RP1L1: variants seen among roughly 807,000 people sequenced by gnomAD.
The protein encoded by RP1L1 is retinitis pigmentosa 1-like 1 protein.
RP1L1 carries 27 observed loss-of-function variants against 15.7 expected under a neutral mutation model. That is an observed-to-expected ratio of 1.72 (90% CI 1.27 to 2.38). RP1L1 has a LOEUF of 2.38. Ranked by LOEUF, RP1L1 falls within the 30% of genes most tolerant of loss-of-function variation. The pLI is 0.00. For synonymous variants in RP1L1, 1,813 were observed against 1,276.7 expected (o/e 1.42, Z -8.96); for missense variants, 4,798 against 3,075.9 (o/e 1.56, Z -13.24).
Position 10,607,378 on chromosome 8 carries a change from C to T in RP1L1, c.6720G>A (p.Glu2240=), listed in dbSNP as rs769695124. 1 of 1,607,834 alleles carries T rather than the reference C, an allele frequency of 6.2e-7. No homozygotes were observed. The highest frequency in any genetic ancestry group is 8.5e-7 in the Non-Finnish European group (1 of 1,176,170). ...TPEAEGEAQP[E]SEGETQGEKK... is the part of the protein sequence containing the mutation. ...TCTCACCTTGAGTTTCTCCTTCTGA[C>T]TCTGGCTGGGCCTCCCCTTCAGCCT... Residue 2240 remains glutamate, a synonymous_variant, in exon 4 of 4, where the codon GAG becomes GAA. Transcript: ENST00000382483.
intron 1 of RP1L1, among the ~76,000 whole-genome samples, chr8:10,645,163 C>CA (rs1039028616): frequency 6.6e-6 from 1 of 151,956 alleles, no homozygotes; most frequent in Non-Finnish European, 1.5e-5. Context: ...CCCATCTCTA[C>CA]AAAAAATAAA....
At position 10,608,894 on chromosome 8, in the gene RP1L1, C is replaced by T; in HGVS notation, c.5204G>A (p.Ser1735Asn). Residue 1735 changes from serine (S) to asparagine (N), a missense_variant, in exon 4 of 4, where the codon AGC (serine) becomes AAC (asparagine). Physicochemically the swap from Ser to Asn is conservative, Grantham distance 46. Coordinates refer to ENST00000382483, the MANE Select transcript of RP1L1 (RefSeq NM_178857.6). ...ACCCTCGTCCACTCCAGGCCCCTGG[C>T]TCAGCCCCGGCCCCAGCCCTCCCTC... is the stretch of plus-strand genomic sequence containing the variant. ...GAEGGLGPGL[S>N]QGPGVDEGED... The T allele has an allele frequency of 3.7e-6, 6 of 1,614,060 alleles. No individual in the cohort carries two copies. The highest frequency in any genetic ancestry group is 5.1e-6 in the Non-Finnish European group (6 of 1,180,038).
Position 10,606,899 on chromosome 8 carries a change from A to G in RP1L1, c.7199T>C (p.Phe2400Ser), listed in dbSNP as rs1797711878. Residue 2400 changes from phenylalanine to serine, a missense_variant, in exon 4 of 4, where the codon TTC becomes TCC. By Grantham distance (155) the Phe-to-Ser change is radical. Coordinates refer to ENST00000382483, the MANE Select transcript of RP1L1 (RefSeq NM_178857.6). ...ADGFGQDDLD[F>S] is the part of the protein sequence containing the mutation. The stretch of plus-strand genomic sequence containing the variant: ...TGTTTTCTAGCTTGATCTTGTCTAG[A>G]AATCTAAGTCATCTTGGCCAAAGCC... 6.2e-7 allele frequency: 1 copy of G among 1,614,066 alleles called. No individual in the cohort carries two copies.
intron 1 of RP1L1, among the ~76,000 whole-genome samples, chr8:10,650,102 A>T (rs1798536453): frequency 6.6e-6 from 1 of 152,206 alleles, no homozygotes; most frequent in Non-Finnish European, 1.5e-5. Context: ...TTTGAGACTC[A>T]TCTCTTCTTG....
Position 10,610,818 on chromosome 8 carries a change from G to A in RP1L1, c.3280C>T (p.Gln1094Ter), listed in dbSNP as rs777912627. ...QIMRALMGSK[Q>*]GRPSSVPEVS... is the part of the protein sequence containing the mutation. Reference sequence around the variant, plus strand: ...TCGGGCACGCTGCTGGGCCGGCCCTGCTTGGAGCCCATCAGCGCCCTCATG... The same window carrying A: ...TCGGGCACGCTGCTGGGCCGGCCCTACTTGGAGCCCATCAGCGCCCTCATG... The change falls in exon 4 of 4, where the codon CAG becomes TAG. Residue 1094 changes from glutamine (Q) to a stop codon, truncating the protein, a stop_gained. Transcript: ENST00000382483. LOFTEE classifies it low-confidence loss of function (END_TRUNC). The A allele has an allele frequency of 2.5e-6, 4 of 1,608,250 alleles. No homozygotes were observed.
rs573490481 is a variant in RP1L1, at chr8:10,609,718, C to T, written c.4380G>A (p.Thr1460=). 15 of 1,613,298 alleles carry T rather than the reference C, an allele frequency of 9.3e-6. No individual in the cohort carries two copies. The African/African-American group carries it at 1.3e-4, about 14-fold the overall frequency. Residue 1460 remains threonine (T), a synonymous_variant, in exon 4 of 4, where the codon ACG becomes ACA. Coordinates refer to ENST00000382483, the MANE Select transcript of RP1L1 (RefSeq NM_178857.6). ...PTEPPSHLSE[T]DPSASERQSG... ...TCTGCCTCTCGCTGGCACTTGGGTCCGTCTCGCTGAGATGACTAGGGGGCT... is the reference window on the plus strand; with the variant it reads ...TCTGCCTCTCGCTGGCACTTGGGTCTGTCTCGCTGAGATGACTAGGGGGCT...
In RP1L1 at chr8:10,607,159, G is replaced by C. The variant is rs370109407; in HGVS notation, c.6939C>G (p.Asp2313Glu). Reference protein sequence around the residue: ...ASSWGNCWQKDSENDHVLGDT... With the variant: ...ASSWGNCWQKESENDHVLGDT... ...CTCCAAGTACATGGTCATTTTCTGA[G>C]TCTTTCTGCCAGCAGTTGCCCCAAG... The change falls in exon 4 of 4, where the codon GAC (aspartate) becomes GAG (glutamate). Residue 2313 changes from aspartate (D) to glutamate (E), a missense_variant. Asp to Glu is a conservative substitution (Grantham distance 45). Transcript: ENST00000382483. 1 of 1,614,218 alleles carries C rather than the reference G, an allele frequency of 6.2e-7. No homozygotes were observed. Among genetic ancestry groups the C allele is most frequent in the Non-Finnish European group, 8.5e-7 (1 of 1,180,030 alleles).
chr8:10,613,021 C>A lies in RP1L1; in HGVS notation c.1077G>T (p.Leu359=), dbSNP rs894695633. The A allele has an allele frequency of 6.2e-7, 1 of 1,613,410 alleles. No homozygotes were observed. The highest frequency in any genetic ancestry group is 1.3e-5 in the African/African-American group (1 of 74,952). ...CACAGCAGAGGGGGTCTACCTCCCCCAGAACGGGGTCTTCCCCACTGGCTG... is the reference window on the plus strand; with the variant it reads ...CACAGCAGAGGGGGTCTACCTCCCCAAGAACGGGGTCTTCCCCACTGGCTG... ...LTAASGEDPV[L]GEVDPLCCVW... Residue 359 remains leucine, a synonymous_variant, in exon 4 of 4, where the codon CTG becomes CTT. Transcript: ENST00000382483.
chr8:10,624,628 G>C (rs925180185), intron 1 of RP1L1, among the ~76,000 whole-genome samples: 2 of 151,502 alleles, frequency 1.3e-5, no homozygotes, highest in African/African-American at 4.9e-5. Context: ...GAGAAGGTTG[G>C]AGGCTTTTTG....
intron 1 of RP1L1, among the ~76,000 whole-genome samples, chr8:10,652,172 C>G (rs1329725115): frequency 1.3e-5 from 2 of 152,154 alleles, no homozygotes; most frequent in African/African-American, 4.8e-5. Context: ...ACACACTTCT[C>G]AAAATGCATT....
chr8:10,621,978 C>A (rs913954411), intron 2 of RP1L1, among the ~76,000 whole-genome samples: 3 of 152,126 alleles, frequency 2.0e-5, no homozygotes, highest in Non-Finnish European at 4.4e-5. Context: ...TAGTTTGTTT[C>A]CTACACTGAA....
At chr8:10,630,082 G>A (rs1400739789) in intron 1 of RP1L1, among the ~76,000 whole-genome samples, 1 of 152,214 alleles carries the variant, frequency 6.6e-6, no homozygotes, top group Non-Finnish European at 1.5e-5. Context: ...TCAGTCATGA[G>A]GGCGTAGTCA....
At chr8:10,644,331 A>T (rs1798446273) in intron 1 of RP1L1, among the ~76,000 whole-genome samples, 1 of 151,552 alleles carries the variant, frequency 6.6e-6, no homozygotes, top group African/African-American at 2.4e-5. Flanking sequence ...GTCTCTAGAG[A>T]ATCTGCCCAT....
In RP1L1 at chr8:10,610,834, C is replaced by T. The variant is rs781205150; in HGVS notation, c.3264G>A (p.Ala1088=). Reference sequence around the variant, plus strand: ...GCCGGCCCTGCTTGGAGCCCATCAGCGCCCTCATGATCTGCGTGGAGGCAG... The same window carrying T: ...GCCGGCCCTGCTTGGAGCCCATCAGTGCCCTCATGATCTGCGTGGAGGCAG... ...RVSASTQIMR[A]LMGSKQGRPS... is the part of the protein sequence containing the mutation. Residue 1088 remains alanine (A), a synonymous_variant, in exon 4 of 4, where the codon GCG becomes GCA. Transcript: ENST00000382483. 3.1e-6 allele frequency: 5 copies of T among 1,607,520 alleles called. No individual in the cohort carries two copies. Among genetic ancestry groups the T allele is most frequent in the Admixed American group, 1.7e-5 (1 of 59,758 alleles).
In RP1L1 at chr8:10,647,263, G is replaced by A. The variant is rs182301182; in HGVS notation, c.-20+7635C>T. ...TGTCCGCCCTCTGACCTCCTTCCCA[G>A]GGGACATATCTGTGACAGCTGAGCC... On this transcript the variant is annotated intron_variant, in intron 1 of 3. Transcript: ENST00000382483. Among the ~76,000 whole-genome samples, 79 of 152,332 alleles carry A rather than the reference G, an allele frequency of 5.2e-4. No individual in the cohort carries two copies. In the East Asian group the frequency reaches 0.015, roughly 28 times the overall value.
rs776732024 is a variant in RP1L1 at position 10,609,605 on chromosome 8, C to T, written c.4493G>A (p.Gly1498Glu). 8 of 1,607,160 alleles carry T rather than the reference C, an allele frequency of 5.0e-6. No homozygotes were observed. The South Asian group carries it at 8.8e-5, about 18-fold the overall frequency. The change falls in exon 4 of 4, where the codon GGG becomes GAG. Residue 1498 changes from glycine (G) to glutamate (E), a missense_variant. Transcript: ENST00000382483. ...CACCGAAGAGCTCCTCTCTGCAGCCCCCTGGGTGGGTTGGGCCTGCGTGTG... is the reference window on the plus strand; with the variant it reads ...CACCGAAGAGCTCCTCTCTGCAGCCTCCTGGGTGGGTTGGGCCTGCGTGTG... ...QEHTQAQPTQ[G>E]AAERSSSVAC...
Position 10,622,802 on chromosome 8 carries a change from C to G in RP1L1, c.400G>C (p.Gly134Arg). 2 of 1,613,850 alleles carry G rather than the reference C, an allele frequency of 1.2e-6. No homozygotes were observed. The highest frequency in any genetic ancestry group is 1.1e-5 in the South Asian group (1 of 91,044). The change falls in exon 2 of 4, where the codon GGC (glycine) becomes CGC (arginine). Residue 134 changes from glycine (G) to arginine (R), a missense_variant. Physicochemically the swap from Gly to Arg is moderately radical, Grantham distance 125. Coordinates refer to ENST00000382483, the MANE Select transcript of RP1L1 (RefSeq NM_178857.6). The stretch of plus-strand genomic sequence containing the variant: ...GAGGTGCCTGGGGCTTCACGCTGGC[C>G]TTCGACATCCCGCAACTGCTGAGCA... ...PTAQQLRDVE[G>R]QREAPGTSSS...
chr8:10,636,964 T>G (rs1240039322), intron 1 of RP1L1, among the ~76,000 whole-genome samples: 1 of 152,208 alleles, frequency 6.6e-6, no homozygotes, highest in Non-Finnish European at 1.5e-5. Context: ...GAACCTTCCC[T>G]GCCCTGAGGC....
Position 10,623,149 on chromosome 8 carries a change from A to T in RP1L1, c.53T>A (p.Leu18Gln). The T allele has an allele frequency of 6.2e-7, 1 of 1,601,876 alleles. No homozygotes were observed. The highest frequency in any genetic ancestry group is 8.5e-7 in the Non-Finnish European group (1 of 1,173,220). ...CGAGGGGGTGCGAGCCACAGAGGGC[A>T]GGAAGCACTCACGGTGGCTCGGGGC... is the stretch of plus-strand genomic sequence containing the variant. ...AQAPSHRECF[L>Q]PSVARTPSVT... Residue 18 changes from leucine to glutamine, a missense_variant, in exon 2 of 4, where the codon CTG becomes CAG. Leu to Gln is a moderately radical substitution (Grantham distance 113). Transcript: ENST00000382483.
Sources: allele counts gnomAD v4.1 joint callset (sites outside exome capture counted in the v4.1 genomes callset), GRCh38; gene constraint gnomAD v4.1.1; transcripts MANE v1.5; gene names NCBI Gene and HGNC (gene_info 2026-07-23, HGNC 2026-07-21).